The following IDH3A variants were observed in gnomAD, a reference collection of about 807,000 sequenced individuals.
IDH3A encodes the protein isocitrate dehydrogenase [NAD] subunit alpha, mitochondrial.
A neutral mutation model predicts 43.3 loss-of-function variants in IDH3A; 23 were observed. The observed-to-expected ratio is 0.53, with a 90% confidence interval of 0.38 to 0.75. The LOEUF is 0.75. IDH3A is among the 30% of genes least tolerant of loss of function. IDH3A has a pLI of 0.00. For missense variants in IDH3A, 329 were observed against 474.4 expected, an observed-to-expected ratio of 0.69 and a Z score of 2.85; for synonymous variants, 154 against 163.5, an observed-to-expected ratio of 0.94 and a Z score of 0.44.
intron 1 of IDH3A, 135 bp downstream of exon 1, chr15:78,149,565 AGCCGGTCCTGGTCGCCCGTGCCCCG>A (rs1237699603): frequency 2.8e-6 from 2 of 706,256 alleles, no homozygotes; most frequent in African/African-American, 3.8e-5. Context: ...ACAGCTTGGG[AGCCGGTCCTGGTCGCCCGTGCCCCG>A]CGCTCCGTGG....
chr15:78,156,536 A>C (rs946046005), intron 2 of IDH3A, among the ~76,000 whole-genome samples: 1 of 152,338 alleles, frequency 6.6e-6, no homozygotes, highest in African/African-American at 2.4e-5. Context: ...ATGTTTCTTC[A>C]GTTGTACAGA....
chr15:78,164,971 G>T (rs2074723153), intron 8 of IDH3A, 21 bp from the exon 9 acceptor site: 2 of 1,590,898 alleles, frequency 1.3e-6, no homozygotes, highest in Non-Finnish European at 1.7e-6. Context: ...AACATTCTTT[G>T]AAATGCTTTT....
rs368926848 is a variant in IDH3A at position 78,166,253 on chromosome 15, A to G, written c.968A>G (p.His323Arg). ...CTGCGCCACATGGGACTTTTTGACC[A>G]TGCTGCAAGAATTGAGGCTGCGTGT... ...MMLRHMGLFD[H>R]AARIEAACFA... The change falls in exon 10 of 11, where the codon CAT (histidine) becomes CGT (arginine). Residue 323 changes from histidine (H) to arginine (R), a missense_variant. His to Arg is a conservative substitution (Grantham distance 29). Transcript: ENST00000299518. 1 of 1,614,202 alleles carries G rather than the reference A, an allele frequency of 6.2e-7. No individual in the cohort carries two copies. The highest frequency in any genetic ancestry group is 8.5e-7 in the Non-Finnish European group (1 of 1,180,026).
intron 9 of IDH3A, among the ~76,000 whole-genome samples, chr15:78,165,372 G>T (rs2074728295): frequency 6.6e-6 from 1 of 151,888 alleles, no homozygotes; most frequent in African/African-American, 2.4e-5. Context: ...TTGTATTTTA[G>T]TAGAGATGGG....
chr15:78,153,411 T>A (rs562944722), intron 1 of IDH3A, among the ~76,000 whole-genome samples: 81 of 152,356 alleles, frequency 5.3e-4, no homozygotes, highest in African/African-American at 1.9e-3. Flanking sequence ...AATTTTCTTG[T>A]CACAAAGTAG....
chr15:78,159,920 G>T, intron 3 of IDH3A, 172 bp from the exon 4 acceptor site: 1 of 535,846 alleles, frequency 1.9e-6, no homozygotes. Flanking sequence ...GCTGGAACCT[G>T]GGAGGCGGAG....
chr15:78,166,390 A>G lies in IDH3A; in HGVS notation c.1017+88A>G, dbSNP rs2074743179. The stretch of plus-strand genomic sequence containing the variant: ...AGTGAAAGGGACAGTGACAGATAAT[A>G]GTTCTCAGGCGGGCCCAAGCATTTG... On this transcript the variant is annotated intron_variant, in intron 10 of 10. Coordinates refer to ENST00000299518, the MANE Select transcript of IDH3A (RefSeq NM_005530.3). 3.7e-6 allele frequency: 5 copies of G among 1,367,552 alleles called. No homozygotes were observed. The South Asian group carries it at 4.8e-5, about 13-fold the overall frequency. 84.7% of individuals were successfully genotyped at this position (1,367,552 alleles called of 1,614,324 possible). A position where few individuals can be genotyped will look rare whatever the true frequency, so the allele number is the denominator to read the frequency against.
At chr15:78,152,906 TTTTG>T (rs1210040877) in intron 1 of IDH3A, among the ~76,000 whole-genome samples, 1 of 152,012 alleles carries the variant, frequency 6.6e-6, no homozygotes, top group African/African-American at 2.4e-5. Flanking sequence ...CTGGACTCAG[TTTTG>T]TTTGATTGTT....
chr15:78,158,177 T>C (rs1042012109), intron 3 of IDH3A, among the ~76,000 whole-genome samples: 8 of 152,024 alleles, frequency 5.3e-5, no homozygotes, highest in Non-Finnish European at 1.0e-4. Flanking sequence ...TTTGAAATAA[T>C]CTCTTTAAAA....
rs185239201 is a variant in IDH3A, at chr15:78,155,652, A to T, written c.90+377A>T. 7.3e-5 allele frequency: 14 copies of T among 192,506 alleles called. No individual in the cohort carries two copies. In the Admixed American group the frequency reaches 7.4e-4, roughly 10 times the overall value. The allele number at this position is 192,506 out of a possible 1,614,324, so 11.9% of individuals were successfully genotyped here. A position where few individuals can be genotyped will look rare whatever the true frequency, so the allele number is the denominator to read the frequency against. ...GCTTCAAAACCTGCTTTGCATTTTT[A>T]TTTTATGGGCTTCCCTAAACCCAGT... On this transcript the variant is annotated intron_variant, in intron 2 of 10. Transcript: ENST00000299518.
rs763501280 is a variant in IDH3A, at chr15:78,171,494, C to G, written c.*2489C>G. The G allele has an allele frequency of 6.2e-7, 1 of 1,614,160 alleles. No individual in the cohort carries two copies. Among genetic ancestry groups the G allele is most frequent in the Non-Finnish European group, 8.5e-7 (1 of 1,180,012 alleles). ...GAGTCAATGATACCTTTGTACTTCT[C>G]CAAAACTGTGAGCCGTTTCAGTTTC... On this transcript the variant is annotated 3_prime_UTR_variant, in exon 11 of 11. Transcript: ENST00000299518.
intron 8 of IDH3A, 128 bp from the exon 9 acceptor site, chr15:78,164,864 A>C: frequency 1.4e-6 from 1 of 700,204 alleles, no homozygotes; most frequent in Non-Finnish European, 2.5e-6. Flanking sequence ...TTTGCCCTGG[A>C]ATCAGCCATT....
rs1317149681 is a variant in IDH3A at position 78,161,568 on chromosome 15, T to C, written c.290-13T>C. 6.2e-7 allele frequency: 1 copy of C among 1,609,110 alleles called. No individual in the cohort carries two copies. The highest frequency in any genetic ancestry group is 1.7e-5 in the Admixed American group (1 of 59,878). ...TCCTTCTAGTGTCATCTGGGTTTTCTTCTGTATAACAGGCCCTTTGAAGAC... is the reference window on the plus strand; with the variant it reads ...TCCTTCTAGTGTCATCTGGGTTTTCCTCTGTATAACAGGCCCTTTGAAGAC... On this transcript the variant is annotated splice_polypyrimidine_tract_variant and intron_variant, in intron 4 of 10. Coordinates refer to ENST00000299518, the MANE Select transcript of IDH3A (RefSeq NM_005530.3). The surrounding 1 kb of genome is among the most constrained non-coding windows in gnomAD (Gnocchi z 4.8).
intron 1 of IDH3A, chr15:78,154,844 C>A (rs143848878): frequency 6.1e-6 from 1 of 163,992 alleles, no homozygotes; most frequent in Non-Finnish European, 1.3e-5. Context: ...ATATATGTTA[C>A]CCCTAAATTG....
Position 78,169,176 on chromosome 15 carries a change from G to C in IDH3A, c.*171G>C, listed in dbSNP as rs541461978. 2.6e-5 allele frequency: 11 copies of C among 418,450 alleles called. No homozygotes were observed. In the South Asian group the frequency reaches 6.9e-4, roughly 26 times the overall value. The allele number at this position is 418,450 out of a possible 1,614,324, so 25.9% of individuals were successfully genotyped here. On this transcript the variant is annotated 3_prime_UTR_variant, in exon 11 of 11. Coordinates refer to ENST00000299518, the MANE Select transcript of IDH3A (RefSeq NM_005530.3). ...CAAAAGATGCAGGTGGATGTCCCTA[G>C]GTCTGTTTTCAAAGAACTTTTTCCA...
intron 8 of IDH3A, 151 bp downstream of exon 8, chr15:78,163,931 T>C (rs2074709740): frequency 1.6e-6 from 1 of 614,812 alleles, no homozygotes. Flanking sequence ...GGTTGTGATA[T>C]GAATGATTAC....
chr15:78,157,477 C>G, intron 2 of IDH3A, 71 bp from the exon 3 acceptor site: 1 of 1,064,076 alleles, frequency 9.4e-7, no homozygotes, highest in Non-Finnish European at 1.4e-6. Flanking sequence ...ATTTCTCTGT[C>G]AAAATATTCT....
chr15:78,153,438 C>T (rs1253869293), intron 1 of IDH3A, among the ~76,000 whole-genome samples: 1 of 152,222 alleles, frequency 6.6e-6, no homozygotes, highest in Non-Finnish European at 1.5e-5. Flanking sequence ...AATGGCCTCC[C>T]TTCCAATAGC....
chr15:78,149,437 G>T lies in IDH3A; in HGVS notation c.27+7G>T, dbSNP rs777293606. On this transcript the variant is annotated splice_region_variant and intron_variant, in intron 1 of 10. Coordinates refer to ENST00000299518, the MANE Select transcript of IDH3A (RefSeq NM_005530.3). Reference sequence around the variant, plus strand: ...GCCCGCGTGGATCTCTAAGGTGAGCGCTGGCAGGCCGGCGTGTGGCAGGCA... The same window carrying T: ...GCCCGCGTGGATCTCTAAGGTGAGCTCTGGCAGGCCGGCGTGTGGCAGGCA... 1.9e-6 allele frequency: 3 copies of T among 1,540,612 alleles called. No homozygotes were observed. Among genetic ancestry groups the T allele is most frequent in the South Asian group, 2.4e-5 (2 of 83,864 alleles).
Sources: gnomAD v4.1 joint callset for allele counts (sites outside exome capture counted in the v4.1 genomes callset) on GRCh38, gnomAD v4.1.1 for gene constraint, Gnocchi (gnomAD v3.1) non-coding constraint, MANE v1.5 for transcripts, NCBI Gene and HGNC (gene_info 2026-07-23, HGNC 2026-07-21) for gene names.